Variants in GBE1 observed in about 807,000 individuals in gnomAD.
GBE1 encodes the protein 1,4-alpha-glucan branching enzyme 1, also known as 1,4-alpha-glucan-branching enzyme.
A neutral mutation model predicts 88.8 loss-of-function variants in GBE1; 70 were observed. That is an observed-to-expected ratio of 0.79 (90% confidence interval 0.65 to 0.96). The LOEUF is 0.96. Ranked by LOEUF, GBE1 falls within the 40% of genes least tolerant of loss-of-function variation. GBE1 has a pLI of 0.00. For synonymous variants in GBE1, 284 were observed against 300.1 expected, an observed-to-expected ratio of 0.95 and a Z score of 0.56; for missense variants, 872 against 871.0, an observed-to-expected ratio of 1.00 and a Z score of -0.01.
Position 81,535,191 on chromosome 3 carries a change from A to G in GBE1, c.1934+4T>C. 6.2e-7 allele frequency: 1 copy of G among 1,608,830 alleles called. No individual in the cohort carries two copies. The highest frequency in any genetic ancestry group is 1.1e-5 in the South Asian group (1 of 90,390). The stretch of plus-strand genomic sequence containing the variant: ...GTCATATTCACTGGTAACAAAAAGG[A>G]TATTTCCCTGGCAATGCTGTTCCAA... On this transcript the variant is annotated splice_donor_region_variant and intron_variant, in intron 14 of 15. Coordinates refer to ENST00000429644, the MANE Select transcript of GBE1 (RefSeq NM_000158.4).
intron 3 of GBE1, among the ~76,000 whole-genome samples, chr3:81,665,182 GTTCT>G (rs1705093622): frequency 6.6e-6 from 1 of 152,082 alleles, no homozygotes; most frequent in Non-Finnish European, 1.5e-5. Context: ...GATTAAATAA[GTTCT>G]TTAAGTAATT....
chr3:81,749,528 C>T (rs1366478840), intron 1 of GBE1, among the ~76,000 whole-genome samples: 1 of 152,170 alleles, frequency 6.6e-6, no homozygotes, highest in Non-Finnish European at 1.5e-5. Flanking sequence ...TGTAACAGTT[C>T]TATATCTTCA....
chr3:81,714,185 A>C (rs966224318), intron 1 of GBE1, among the ~76,000 whole-genome samples: 2 of 152,186 alleles, frequency 1.3e-5, no homozygotes, highest in African/African-American at 2.4e-5. Flanking sequence ...TTCCTAGTAC[A>C]TACAATACTG....
chr3:81,615,862 T>C (rs1704242173), intron 7 of GBE1, among the ~76,000 whole-genome samples: 1 of 152,220 alleles, frequency 6.6e-6, no homozygotes, highest in African/African-American at 2.4e-5. Flanking sequence ...CTACATTGTT[T>C]TGCAGTGATT....
Position 81,668,937 on chromosome 3 carries a change from A to T in GBE1, c.429+1901T>A, listed in dbSNP as rs577773651. Among the ~76,000 whole-genome samples the T allele has an allele frequency of 1.6e-3, 239 of 152,296 alleles. 1 individual carries two copies. The highest frequency in any genetic ancestry group is 5.6e-3 in the African/African-American group (232 of 41,568). On this transcript the variant is annotated intron_variant, in intron 3 of 15. Transcript: ENST00000429644. ...AAATTAAAAATAACTCATTTATTAG[A>T]TTATTTCCTTAAAGGCAGTAATTTT... is the stretch of plus-strand genomic sequence containing the variant.
intron 1 of GBE1, among the ~76,000 whole-genome samples, chr3:81,743,311 G>A (rs1706376404): frequency 6.6e-6 from 1 of 152,038 alleles, no homozygotes; most frequent in Non-Finnish European, 1.5e-5. Flanking sequence ...ATTATTTAAA[G>A]TTATATATGC....
chr3:81,593,529 T>C (rs1703909618), intron 8 of GBE1, among the ~76,000 whole-genome samples: 1 of 151,884 alleles, frequency 6.6e-6, no homozygotes, highest in South Asian at 2.1e-4. Flanking sequence ...ACCAGGTAAA[T>C]CTGCAATTAA....
At chr3:81,594,506 T>C (rs1012393883) in intron 7 of GBE1, among the ~76,000 whole-genome samples, 26 of 152,216 alleles carry the variant, frequency 1.7e-4, no homozygotes, top group African/African-American at 6.0e-4. Flanking sequence ...GTACTTTCAA[T>C]GACTTTTTGT....
At position 81,705,554 on chromosome 3, in the gene GBE1, T is replaced by G; in HGVS notation, c.203A>C (p.Lys68Thr). The G allele has an allele frequency of 6.3e-7, 1 of 1,591,230 alleles. No homozygotes were observed. Among genetic ancestry groups the G allele is most frequent in the Non-Finnish European group, 8.6e-7 (1 of 1,167,604 alleles). Reference sequence around the variant, plus strand: ...AAATGATTCATAGCCTCTGGAAAACTTATCAATACCACCTTCATTTTCTCC... The same window carrying G: ...AAATGATTCATAGCCTCTGGAAAACGTATCAATACCACCTTCATTTTCTCC... ...NIGENEGGID[K>T]FSRGYESFGV... Residue 68 changes from lysine (K) to threonine (T), a missense_variant, in exon 2 of 16, where the codon AAG becomes ACG. By Grantham distance (78) the Lys-to-Thr change is moderately conservative (BLOSUM62 -1). Coordinates refer to ENST00000429644, the MANE Select transcript of GBE1 (RefSeq NM_000158.4).
chr3:81,691,086 G>A (rs1199963753), intron 2 of GBE1, among the ~76,000 whole-genome samples: 2 of 152,098 alleles, frequency 1.3e-5, no homozygotes, highest in Non-Finnish European at 2.9e-5. Context: ...AAGTCCAGAG[G>A]AGGATAATCC....
At chr3:81,741,317 T>G (rs1041289010) in intron 1 of GBE1, among the ~76,000 whole-genome samples, 1 of 152,160 alleles carries the variant, frequency 6.6e-6, no homozygotes, top group African/African-American at 2.4e-5. Flanking sequence ...ATTTGATTTT[T>G]TTTTAAGCCA....
chr3:81,675,505 T>C (rs1360408414), intron 2 of GBE1, among the ~76,000 whole-genome samples: 1 of 152,164 alleles, frequency 6.6e-6, no homozygotes, highest in Admixed American at 6.5e-5. Context: ...TTATTGAATA[T>C]ACTATTATTA....
intron 12 of GBE1, among the ~76,000 whole-genome samples, chr3:81,553,944 A>G (rs1004454952): frequency 6.6e-6 from 1 of 152,174 alleles, no homozygotes; most frequent in African/African-American, 2.4e-5. Flanking sequence ...TTTAAAATAA[A>G]TAATAAAAAT....
chr3:81,741,778 T>C (rs553722452), intron 1 of GBE1, among the ~76,000 whole-genome samples: 1 of 148,712 alleles, frequency 6.7e-6, no homozygotes, highest in Non-Finnish European at 1.5e-5. Context: ...TATAACACTC[T>C]ACATAATATA....
chr3:81,547,315 C>T (rs1405221968), intron 12 of GBE1, among the ~76,000 whole-genome samples: 2 of 151,398 alleles, frequency 1.3e-5, no homozygotes, highest in African/African-American at 4.8e-5. Flanking sequence ...TTAGTAAAGT[C>T]CTCGGATAAG....
In GBE1 at chr3:81,499,031, T is replaced by C. The variant is rs1326657610; in HGVS notation, c.2052+79A>G. ...TTTTCCATGTTGCTTATTTGAAGAG[T>C]TGTTTATTTGAACAAAAACATTACT... On this transcript the variant is annotated intron_variant, in intron 15 of 15. Transcript: ENST00000429644. The C allele has an allele frequency of 7.5e-6, 6 of 803,342 alleles. No individual in the cohort carries two copies. The East Asian group carries it at 1.6e-4, about 22-fold the overall frequency. The allele number at this position is 803,342 out of a possible 1,614,324, so 49.8% of individuals were successfully genotyped here.
chr3:81,682,600 A>T (rs925295520), intron 2 of GBE1, among the ~76,000 whole-genome samples: 1 of 152,256 alleles, frequency 6.6e-6, no homozygotes, highest in Non-Finnish European at 1.5e-5. Context: ...TGGCTAATGG[A>T]TAATAAGTGT....
At chr3:81,741,267 G>GT (rs1158590987) in intron 1 of GBE1, among the ~76,000 whole-genome samples, 1 of 152,004 alleles carries the variant, frequency 6.6e-6, no homozygotes, top group Non-Finnish European at 1.5e-5. Flanking sequence ...ATAATAATCA[G>GT]TAAGTTTGCA....
chr3:81,554,188 GA>G (rs11335438), intron 12 of GBE1, among the ~76,000 whole-genome samples: 3,540 of 151,972 alleles, frequency 0.023, 66 homozygotes, highest in African/African-American at 0.046. Context: ...ATGGTGGGGG[GA>G]AAAAAATGTT....
Sources: gnomAD v4.1 joint callset for allele counts (sites outside exome capture counted in the v4.1 genomes callset) on GRCh38, gnomAD v4.1.1 for gene constraint, MANE v1.5 for transcripts, NCBI Gene and HGNC (gene_info 2026-07-23, HGNC 2026-07-21) for gene names.